UBL3: variants seen among roughly 807,000 people sequenced by gnomAD.
UBL3 encodes the protein ubiquitin like 3, also known as ubiquitin-like protein 3.
UBL3 carries 6 observed loss-of-function variants against 18.4 expected under a neutral mutation model. The ratio of observed to expected loss-of-function variants is 0.33; its 90% confidence interval spans 0.18 to 0.64. The LOEUF (loss-of-function observed/expected upper bound fraction) is 0.64, where lower values mean the gene tolerates loss of function less well. UBL3 is among the 30% of genes least tolerant of loss of function. UBL3 has a pLI of 0.76. For missense variants in UBL3, 109 were observed against 142.9 expected (o/e 0.76, Z 1.21); for synonymous variants, 49 against 46.6 (o/e 1.05, Z -0.21).
intron 1 of UBL3, among the ~76,000 whole-genome samples, chr13:29,804,402 T>C (rs900113122): frequency 6.6e-6 from 1 of 151,948 alleles, no homozygotes; most frequent in Non-Finnish European, 1.5e-5. Context: ...AACCTAACAT[T>C]ACACCTAGAA....
chr13:29,819,029 T>A (rs1878357939), intron 1 of UBL3, among the ~76,000 whole-genome samples: 1 of 152,216 alleles, frequency 6.6e-6, no homozygotes, highest in Non-Finnish European at 1.5e-5. Flanking sequence ...TTATGAAAGA[T>A]GTGGAATTTG....
At chr13:29,843,428 TTTC>T (rs1879155650) in intron 1 of UBL3, among the ~76,000 whole-genome samples, 1 of 152,168 alleles carries the variant, frequency 6.6e-6, no homozygotes, top group East Asian at 1.9e-4. Context: ...TAAATCTTAG[TTTC>T]TTCTTTTGTG....
intron 2 of UBL3, among the ~76,000 whole-genome samples, chr13:29,774,847 A>G (rs1876938643): frequency 6.6e-6 from 1 of 151,984 alleles, no homozygotes; most frequent in Non-Finnish European, 1.5e-5. Flanking sequence ...TTAAATAGTG[A>G]CTTTATAACC....
At chr13:29,794,936 C>T (rs933899489) in intron 1 of UBL3, among the ~76,000 whole-genome samples, 2 of 152,120 alleles carry the variant, frequency 1.3e-5, no homozygotes, top group Non-Finnish European at 2.9e-5. Context: ...TAAATGCATG[C>T]ATAAAGACTA....
At chr13:29,801,286 C>A (rs1018859947) in intron 1 of UBL3, among the ~76,000 whole-genome samples, 3 of 152,176 alleles carry the variant, frequency 2.0e-5, no homozygotes, top group African/African-American at 7.2e-5. Context: ...GAATAGCCAT[C>A]CTACCCCCAG....
At chr13:29,790,860 G>GT (rs1442559699) in intron 1 of UBL3, among the ~76,000 whole-genome samples, 1 of 152,022 alleles carries the variant, frequency 6.6e-6, no homozygotes, top group Non-Finnish European at 1.5e-5. Context: ...CCAAATATGG[G>GT]TTTTTCCAAG....
rs1042946232 is a variant in UBL3 at position 29,794,161 on chromosome 13, T to C, written c.28-16898A>G. 7.2e-5 allele frequency among the ~76,000 whole-genome samples: 11 copies of C among 152,130 alleles called. 1 individual carries two copies. Among genetic ancestry groups the C allele is most frequent in the Admixed American group, 4.6e-4 (7 of 15,256 alleles). On this transcript the variant is annotated intron_variant, in intron 1 of 4. Transcript: ENST00000380680. ...GCACCTGGCCTATTAGATATTATCTTATTTTCAGAATAGTCAAGATGTTAA... is the reference window on the plus strand; with the variant it reads ...GCACCTGGCCTATTAGATATTATCTCATTTTCAGAATAGTCAAGATGTTAA...
At chr13:29,827,590 G>A (rs1878656249) in intron 1 of UBL3, among the ~76,000 whole-genome samples, 1 of 152,082 alleles carries the variant, frequency 6.6e-6, no homozygotes, top group South Asian at 2.1e-4. Flanking sequence ...CATGAGATGG[G>A]TTTCCTGAAT....
intron 3 of UBL3, among the ~76,000 whole-genome samples, chr13:29,769,957 T>C (rs1203778810): frequency 6.6e-6 from 1 of 152,106 alleles, no homozygotes; most frequent in Non-Finnish European, 1.5e-5. Context: ...CCACTACCTA[T>C]AACAAGATCT....
intron 1 of UBL3, among the ~76,000 whole-genome samples, chr13:29,826,853 TA>T (rs1878634313): frequency 6.6e-6 from 1 of 152,238 alleles, no homozygotes; most frequent in South Asian, 2.1e-4. Flanking sequence ...CACACTGCTT[TA>T]AATGTGTCCC....
At chr13:29,788,835 G>A (rs1352939424) in intron 1 of UBL3, among the ~76,000 whole-genome samples, 1 of 139,974 alleles carries the variant, frequency 7.1e-6, no homozygotes, top group African/African-American at 2.7e-5. Context: ...GGCTTAATGG[G>A]GAAGTGTGTG....
chr13:29,829,459 A>G (rs2139357350), intron 1 of UBL3, among the ~76,000 whole-genome samples: 1 of 152,326 alleles, frequency 6.6e-6, no homozygotes, highest in Non-Finnish European at 1.5e-5. Flanking sequence ...GCAATGAGCA[A>G]GGCTCCGTGG....
At chr13:29,830,716 CA>C (rs1261990233) in intron 1 of UBL3, among the ~76,000 whole-genome samples, 1 of 152,068 alleles carries the variant, frequency 6.6e-6, no homozygotes, top group Non-Finnish European at 1.5e-5. Context: ...TATGCAGTAG[CA>C]AAGCAAAGGT....
At chr13:29,814,191 C>T (rs1565996796) in intron 1 of UBL3, among the ~76,000 whole-genome samples, 1 of 151,746 alleles carries the variant, frequency 6.6e-6, no homozygotes, top group Admixed American at 6.6e-5. Context: ...ATTGCACAGC[C>T]AATAAGAATA....
chr13:29,781,060 G>A (rs113039537), intron 1 of UBL3, among the ~76,000 whole-genome samples: 11,596 of 151,850 alleles, frequency 0.076, 480 homozygotes, highest in East Asian at 0.16. Context: ...TTGTAGTCCC[G>A]GCTACTTGGG....
At chr13:29,771,455 T>C (rs1335582731) in intron 3 of UBL3, among the ~76,000 whole-genome samples, 1 of 152,090 alleles carries the variant, frequency 6.6e-6, no homozygotes, top group East Asian at 1.9e-4. Context: ...GCACCATTTA[T>C]GCACGTAAGC....
chr13:29,791,820 T>C (rs1267297906), intron 1 of UBL3, among the ~76,000 whole-genome samples: 4 of 152,204 alleles, frequency 2.6e-5, no homozygotes, highest in African/African-American at 9.6e-5. Flanking sequence ...TATAAGGTCA[T>C]CCTACATATA....
chr13:29,843,419 A>T (rs1357608078), intron 1 of UBL3, among the ~76,000 whole-genome samples: 1 of 152,094 alleles, frequency 6.6e-6, no homozygotes, highest in Admixed American at 6.5e-5. Flanking sequence ...CCATTTTTTT[A>T]AATCTTAGTT....
At chr13:29,789,342 TTA>T (rs1171913457) in intron 1 of UBL3, among the ~76,000 whole-genome samples, 2 of 152,136 alleles carry the variant, frequency 1.3e-5, no homozygotes, top group Non-Finnish European at 2.9e-5. Flanking sequence ...ATGGTACACT[TTA>T]TGTTATATGT....
Sources: gnomAD v4.1 joint callset for allele counts (sites outside exome capture counted in the v4.1 genomes callset) on GRCh38, gnomAD v4.1.1 for gene constraint, MANE v1.5 for transcripts, NCBI Gene and HGNC (gene_info 2026-07-23, HGNC 2026-07-21) for gene names.